Variants in ABI3BP observed in about 807,000 individuals in gnomAD.
The protein encoded by ABI3BP is ABI family member 3 binding protein, also known as target of Nesh-SH3.
Under a neutral mutation model 268.6 loss-of-function variants are expected in ABI3BP, and 216 were observed. That is an observed-to-expected ratio of 0.80 (90% CI 0.72 to 0.90). The LOEUF (loss-of-function observed/expected upper bound fraction) is 0.90, where lower values mean the gene tolerates loss of function less well. Among genes scored for constraint, ABI3BP ranks in the 40% least tolerant of loss-of-function variants. The pLI is 0.00. For synonymous variants in ABI3BP, 730 were observed against 730.0 expected, an observed-to-expected ratio of 1.00 and a Z score of 0.00; for missense variants, 2,090 against 2,182.4, an observed-to-expected ratio of 0.96 and a Z score of 0.84.
At chr3:100,938,227 CT>C (rs1388905340) in intron 1 of ABI3BP, among the ~76,000 whole-genome samples, 2 of 151,604 alleles carry the variant, frequency 1.3e-5, no homozygotes, top group African/African-American at 4.8e-5. Flanking sequence ...ACAAATTAAT[CT>C]GTACAACAAA....
intron 1 of ABI3BP, among the ~76,000 whole-genome samples, chr3:100,935,333 C>T (rs986204280): frequency 5.9e-5 from 9 of 152,020 alleles, no homozygotes; most frequent in African/African-American, 1.9e-4. Context: ...TTCCACTGGT[C>T]TATATATCTG....
chr3:100,936,666 G>C (rs189170698), intron 1 of ABI3BP, among the ~76,000 whole-genome samples: 215 of 151,998 alleles, frequency 1.4e-3, no homozygotes, highest in South Asian at 5.8e-3. Context: ...ACTTGTTATT[G>C]GTCTATTCAG....
chr3:100,857,695 A>G (rs2098954826), intron 14 of ABI3BP, among the ~76,000 whole-genome samples: 1 of 152,182 alleles, frequency 6.6e-6, no homozygotes, highest in South Asian at 2.1e-4. Flanking sequence ...GGAGTGGTTT[A>G]TTGAATAATA....
At chr3:100,834,359 C>G (rs79010577) in intron 29 of ABI3BP, among the ~76,000 whole-genome samples, 2,015 of 152,180 alleles carry the variant, frequency 0.013, 40 homozygotes, top group African/African-American at 0.046. Context: ...CAGATACAAA[C>G]GTTCAAAATG....
chr3:100,964,868 G>T (rs1052672620), intron 1 of ABI3BP, among the ~76,000 whole-genome samples: 14 of 152,076 alleles, frequency 9.2e-5, no homozygotes, highest in African/African-American at 3.1e-4. Context: ...GCCCTCACTG[G>T]TTGTACCAGC....
Position 100,839,594 on chromosome 3 carries a change from T to C in ABI3BP, c.1920A>G (p.Gln640=). Residue 640 remains glutamine (Q), a synonymous_variant, in exon 24 of 68, where the codon CAA becomes CAG. Coordinates refer to ENST00000471714, the MANE Select transcript of ABI3BP (RefSeq NM_001375547.2). ...CAGTTGTGGGCACCAAGGGCTCCGGTTGTATCGTGGCAGGTTCCAGAGCTA... is the reference window on the plus strand; with the variant it reads ...CAGTTGTGGGCACCAAGGGCTCCGGCTGTATCGTGGCAGGTTCCAGAGCTA... The part of the protein sequence containing the change: ...SKPALEPATI[Q]PEPLVPTTAS... The C allele has an allele frequency of 6.5e-7, 1 of 1,535,840 alleles. No individual in the cohort carries two copies. Among genetic ancestry groups the C allele is most frequent in the East Asian group, 2.4e-5 (1 of 40,906 alleles).
At chr3:100,921,016 C>G (rs1195208729) in intron 2 of ABI3BP, among the ~76,000 whole-genome samples, 1 of 152,192 alleles carries the variant, frequency 6.6e-6, no homozygotes, top group African/African-American at 2.4e-5. Context: ...TGCATTGGCA[C>G]TGCATCCTTT....
intron 51 of ABI3BP, among the ~76,000 whole-genome samples, chr3:100,801,185 T>C (rs1464069807): frequency 6.6e-6 from 1 of 152,044 alleles, no homozygotes; most frequent in Non-Finnish European, 1.5e-5. Context: ...ACCAGCATTG[T>C]ACTTTGCTAA....
chr3:100,900,836 G>C (rs2049968738), intron 3 of ABI3BP, among the ~76,000 whole-genome samples: 1 of 152,126 alleles, frequency 6.6e-6, no homozygotes, highest in Non-Finnish European at 1.5e-5. Context: ...TCCTGAGCTG[G>C]TCATAAAGTA....
intron 2 of ABI3BP, among the ~76,000 whole-genome samples, chr3:100,906,806 G>A (rs1229465430): frequency 2.6e-5 from 4 of 152,068 alleles, no homozygotes; most frequent in Non-Finnish European, 4.4e-5. Flanking sequence ...TCTTATAATT[G>A]CAGTTTGATA....
chr3:100,948,704 T>A (rs1473673640), intron 1 of ABI3BP, among the ~76,000 whole-genome samples: 1 of 152,204 alleles, frequency 6.6e-6, no homozygotes, highest in African/African-American at 2.4e-5. Context: ...CTTTTTAACT[T>A]AAAAAATTAT....
intron 24 of ABI3BP, among the ~76,000 whole-genome samples, chr3:100,838,725 TATAA>T (rs2098645380): frequency 6.6e-6 from 1 of 152,218 alleles, no homozygotes; most frequent in African/African-American, 2.4e-5. Context: ...ATTTTTCCTA[TATAA>T]ATAATTTCAA....
chr3:100,797,012 T>C (rs373963912), intron 51 of ABI3BP, among the ~76,000 whole-genome samples: 1 of 152,088 alleles, frequency 6.6e-6, no homozygotes, highest in East Asian at 1.9e-4. Flanking sequence ...AATCAGCTAG[T>C]CATTAGAAGA....
At chr3:100,887,020 T>C (rs976611005) in intron 4 of ABI3BP, among the ~76,000 whole-genome samples, 1 of 152,064 alleles carries the variant, frequency 6.6e-6, no homozygotes, top group African/African-American at 2.4e-5. Flanking sequence ...TTTACATATA[T>C]TACCTGGTTT....
chr3:100,775,132 C>A, intron 60 of ABI3BP, 75 bp downstream of exon 60: 2 of 1,540,732 alleles, frequency 1.3e-6, no homozygotes, highest in Non-Finnish European at 1.8e-6. Context: ...CTGAGACTCA[C>A]CCATCCCCAC....
chr3:100,829,717 G>A (rs1187743522), intron 32 of ABI3BP, 53 bp from the exon 33 acceptor site: 1 of 1,346,628 alleles, frequency 7.4e-7, no homozygotes, highest in East Asian at 2.5e-5. Context: ...CGGAAGCTGT[G>A]GATAAGATTA....
intron 1 of ABI3BP, among the ~76,000 whole-genome samples, chr3:100,928,807 C>G (rs151196027): frequency 6.6e-6 from 1 of 152,140 alleles, no homozygotes; most frequent in East Asian, 1.9e-4. Flanking sequence ...CTAGGCTGGA[C>G]TGCACTGCTC....
intron 14 of ABI3BP, among the ~76,000 whole-genome samples, chr3:100,860,463 C>T (rs1274763288): frequency 1.3e-5 from 2 of 152,140 alleles, no homozygotes; most frequent in African/African-American, 2.4e-5. Context: ...GCATTAGCCG[C>T]TGCTCATACT....
intron 1 of ABI3BP, among the ~76,000 whole-genome samples, chr3:100,943,530 GA>G: frequency 6.6e-6 from 1 of 151,934 alleles, no homozygotes; most frequent in East Asian, 1.9e-4. Context: ...CATCAACCCA[GA>G]AAATTTCCTC....
Sources: gnomAD v4.1 joint callset for allele counts (sites outside exome capture counted in the v4.1 genomes callset) on GRCh38, gnomAD v4.1.1 for gene constraint, MANE v1.5 for transcripts, NCBI Gene and HGNC (gene_info 2026-07-23, HGNC 2026-07-21) for gene names.